Variants in ERCC6 observed in about 807,000 individuals in gnomAD.
ERCC6 encodes the protein DNA excision repair protein ERCC-6.
A neutral mutation model predicts 158.7 loss-of-function variants in ERCC6; 116 were observed. The observed-to-expected ratio is 0.73, with a 90% CI of 0.63 to 0.85. The LOEUF (loss-of-function observed/expected upper bound fraction) is 0.85. Among genes scored for constraint, ERCC6 ranks in the 40% least tolerant of loss-of-function variants. The pLI, the probability that ERCC6 is intolerant of heterozygous loss-of-function variation, is 0.00. For missense variants in ERCC6, 1,698 were observed against 1,799.4 expected (o/e 0.94, Z 1.02); for synonymous variants, 678 against 659.3 (o/e 1.03, Z -0.43).
At position 49,458,868 on chromosome 10, in the gene ERCC6, G is replaced by A. The variant is rs769745354; in HGVS notation, c.4429C>T (p.His1477Tyr). The A allele has an allele frequency of 3.7e-6, 6 of 1,614,068 alleles. No individual in the cohort carries two copies. Among genetic ancestry groups the A allele is most frequent in the Non-Finnish European group, 5.1e-6 (6 of 1,180,030 alleles). Residue 1477 changes from histidine to tyrosine, a missense_variant, in exon 21 of 21, where the codon CAT becomes TAT. By Grantham distance (83) the His-to-Tyr change is moderately conservative (BLOSUM62 2). Coordinates refer to ENST00000355832, the MANE Select transcript of ERCC6 (RefSeq NM_000124.4). ...RELLRNLCTFHRTSGGEGIWK... is the reference protein window; with the variant it reads ...RELLRNLCTFYRTSGGEGIWK... The stretch of plus-strand genomic sequence containing the variant: ...ATTCCTTCACCACCAGAAGTTCTAT[G>A]GAAAGTGCACAGATTTCTCAATAGT...
rs2132537563 is a variant in ERCC6, at chr10:49,470,746, T to C, written c.3214A>G (p.Lys1072Glu). 1 of 1,614,198 alleles carries C rather than the reference T, an allele frequency of 6.2e-7. No individual in the cohort carries two copies. Among genetic ancestry groups the C allele is most frequent in the Non-Finnish European group, 8.5e-7 (1 of 1,180,040 alleles). ...ACTTCAGCTCCTTTAGCCTCAGATT[T>C]CTCTTCAGATGATGTGGCATCATTT... The part of the protein sequence containing the change: ...SVNDATSSEE[K>E]SEAKGAEVNA... Residue 1072 changes from lysine (K) to glutamate (E), a missense_variant, in exon 18 of 21, where the codon AAA becomes GAA. Lys to Glu is a moderately conservative substitution (Grantham distance 56). Coordinates refer to ENST00000355832, the MANE Select transcript of ERCC6 (RefSeq NM_000124.4).
At position 49,458,633 on chromosome 10, in the gene ERCC6, A is replaced by G; in HGVS notation, c.*182T>C. On this transcript the variant is annotated 3_prime_UTR_variant, in exon 21 of 21. Transcript: ENST00000355832. ...TTTTCTCCTTTAGCTAGCATTATTAAAACTTTTAACTTTCAGAGAAGAGTT... is the reference window on the plus strand; with the variant it reads ...TTTTCTCCTTTAGCTAGCATTATTAGAACTTTTAACTTTCAGAGAAGAGTT... The G allele has an allele frequency of 1.5e-6, 1 of 656,262 alleles. No homozygotes were observed. The highest frequency in any genetic ancestry group is 2.6e-6 in the Non-Finnish European group (1 of 390,000). The allele number at this position is 656,262 out of a possible 1,614,324, so 40.7% of individuals were successfully genotyped here.
intron 8 of ERCC6, among the ~76,000 whole-genome samples, chr10:49,492,787 C>T (rs867876783): frequency 1.3e-5 from 2 of 152,228 alleles, no homozygotes; most frequent in Admixed American, 6.5e-5. Context: ...CACTAATGCG[C>T]AAAGTCTCTC....
At chr10:49,465,066 TG>T (rs1850650419) in intron 18 of ERCC6, among the ~76,000 whole-genome samples, 1 of 152,174 alleles carries the variant, frequency 6.6e-6, no homozygotes, top group African/African-American at 2.4e-5. Flanking sequence ...CTGGAAAGGC[TG>T]CAGACACTCA....
In ERCC6 at chr10:49,457,709, A is replaced by G. The variant is rs1166454760; in HGVS notation, c.*1106T>C. 6.6e-6 allele frequency: 1 copy of G among 152,276 alleles called. No individual in the cohort carries two copies. The highest frequency in any genetic ancestry group is 1.5e-5 in the Non-Finnish European group (1 of 68,052). 9.4% of individuals were successfully genotyped at this position (152,276 alleles called of 1,614,324 possible). A position where few individuals can be genotyped will look rare whatever the true frequency, so the allele number is the denominator to read the frequency against. ...AGAAGAAATTTCAGGAATACGATGA[A>G]TTTCGGAAAACAACACTTCAAAGAT... On this transcript the variant is annotated 3_prime_UTR_variant, in exon 21 of 21. Transcript: ENST00000355832.
At chr10:49,497,691 T>C (rs1564429002) in intron 7 of ERCC6, among the ~76,000 whole-genome samples, 1 of 152,314 alleles carries the variant, frequency 6.6e-6, no homozygotes, top group East Asian at 1.9e-4. Context: ...TTCCTAACTC[T>C]TAATACCAGT....
the ERCC6 span, among the ~76,000 whole-genome samples, chr10:49,445,090 AAAG>A: frequency 6.6e-6 from 1 of 152,254 alleles, no homozygotes; most frequent in Non-Finnish European, 1.5e-5. Context: ...CTAGTAGATT[AAAG>A]AAGTATTGTC....
chr10:49,507,920 AG>A (rs1564432897), intron 5 of ERCC6, among the ~76,000 whole-genome samples: 71 of 150,090 alleles, frequency 4.7e-4, no homozygotes, highest in Admixed American at 8.0e-4. Context: ...GAAACTGAAC[AG>A]ATATATATAC....
chr10:49,484,576 C>CA (rs1485700744), intron 8 of ERCC6, among the ~76,000 whole-genome samples: 1 of 151,930 alleles, frequency 6.6e-6, no homozygotes, highest in Non-Finnish European at 1.5e-5. Context: ...CCTGTCTCTA[C>CA]AAAAAATAAA....
intron 20 of ERCC6, chr10:49,459,903 T>C: frequency 5.1e-6 from 1 of 197,470 alleles, no homozygotes; most frequent in South Asian, 9.9e-5. Context: ...TTCCACTGAA[T>C]GGTGGAATCT....
At chr10:49,522,430 G>A (rs759569367) in intron 5 of ERCC6, among the ~76,000 whole-genome samples, 6 of 152,122 alleles carry the variant, frequency 3.9e-5, no homozygotes, top group Non-Finnish European at 4.4e-5. Context: ...AAGAGCTATC[G>A]TATTTTGGTG....
chr10:49,520,540 G>C (rs1221537373), intron 5 of ERCC6, among the ~76,000 whole-genome samples: 1 of 152,188 alleles, frequency 6.6e-6, no homozygotes, highest in Non-Finnish European at 1.5e-5. Flanking sequence ...GCCTGACCAA[G>C]CAGTGCTGAC....
At chr10:49,475,456 G>A (rs1424271180) in intron 12 of ERCC6, 5 of 446,584 alleles carry the variant, frequency 1.1e-5, no homozygotes, top group Admixed American at 7.1e-5. Flanking sequence ...GTTAAGGGGA[G>A]ATTCATGGAG....
chr10:49,459,285 C>T lies in ERCC6; in HGVS notation c.4063-51G>A, dbSNP rs965697729. 1.3e-5 allele frequency: 20 copies of T among 1,591,060 alleles called. No individual in the cohort carries two copies. In the African/African-American group the frequency reaches 1.5e-4, roughly 12 times the overall value. On this transcript the variant is annotated intron_variant, in intron 20 of 20. Coordinates refer to ENST00000355832, the MANE Select transcript of ERCC6 (RefSeq NM_000124.4). ...ATATATTTAATTTCTAGTTTATGCC[C>T]CCACTTCCTTCCCCAAAGGCTGTGA...
chr10:49,445,116 G>A, the ERCC6 span, among the ~76,000 whole-genome samples: 36 of 152,262 alleles, frequency 2.4e-4, no homozygotes, highest in African/African-American at 7.7e-4. Flanking sequence ...TTCAGTAAAT[G>A]TAGAAAATGC....
chr10:49,476,713 C>G (rs1051454269), intron 11 of ERCC6, among the ~76,000 whole-genome samples: 1 of 152,156 alleles, frequency 6.6e-6, no homozygotes, highest in South Asian at 2.1e-4. Context: ...TCTCCTGGAG[C>G]TCTAAGTGCA....
At chr10:49,490,723 TAAAC>T (rs1851160459) in intron 8 of ERCC6, among the ~76,000 whole-genome samples, 1 of 152,216 alleles carries the variant, frequency 6.6e-6, no homozygotes, top group Non-Finnish European at 1.5e-5. Flanking sequence ...ACTTGAACGA[TAAAC>T]AAAACAATTC....
intron 14 of ERCC6, 87 bp from the exon 15 acceptor site, chr10:49,473,115 A>C: frequency 6.3e-7 from 1 of 1,579,020 alleles, no homozygotes; most frequent in Non-Finnish European, 8.7e-7. Context: ...GTACACATGG[A>C]ATTACTGGGC....
chr10:49,539,187 T>A (rs1379457510), upstream of ERCC6: 4 of 152,314 alleles, frequency 2.6e-5, no homozygotes, highest in Non-Finnish European at 1.5e-5. Context: ...AGGGACGGGC[T>A]CAGCAGCGCC....
Sources: gnomAD v4.1 joint callset for allele counts (sites outside exome capture counted in the v4.1 genomes callset) on GRCh38, gnomAD v4.1.1 for gene constraint, MANE v1.5 for transcripts, NCBI Gene and HGNC (gene_info 2026-07-23, HGNC 2026-07-21) for gene names.